The following PCDHGB5 variants were observed in gnomAD, a reference collection of about 807,000 sequenced individuals.
The protein encoded by PCDHGB5 is protocadherin gamma subfamily B, 5.
In PCDHGB5, 48 loss-of-function variants were observed where a neutral mutation model predicts 62.9. The ratio of observed to expected loss-of-function variants is 0.76; its 90% CI spans 0.61 to 0.97. The LOEUF (loss-of-function observed/expected upper bound fraction) is 0.97. Among genes scored for constraint, PCDHGB5 ranks in the 50% least tolerant of loss-of-function variants. The pLI, the probability that PCDHGB5 is intolerant of heterozygous loss-of-function variation, is 0.00. For synonymous variants in PCDHGB5, 474 were observed against 511.2 expected, an observed-to-expected ratio of 0.93 and a Z score of 0.98; for missense variants, 1,118 against 1,198.6, an observed-to-expected ratio of 0.93 and a Z score of 0.99.
chr5:141,409,759 C>A, intron 1 of PCDHGB5: 1 of 1,612,958 alleles, frequency 6.2e-7, no homozygotes, highest in Non-Finnish European at 8.5e-7. Flanking sequence ...CGCAGCGCGC[C>A]TTTGATCACG....
At position 141,476,903 on chromosome 5, in the gene PCDHGB5, G is replaced by C; in HGVS notation, c.2398-17904G>C. On this transcript the variant is annotated intron_variant, in intron 1 of 3. Transcript: ENST00000617380. The surrounding 1 kb of genome is among the most constrained non-coding windows in gnomAD (Gnocchi z 7.6). Reference sequence around the variant, plus strand: ...GGAGGATGCACCCTCCGGCACGCGCGTGGTACAAGTCCTTGCAACGGATCT... The same window carrying C: ...GGAGGATGCACCCTCCGGCACGCGCCTGGTACAAGTCCTTGCAACGGATCT... The C allele has an allele frequency of 1.2e-6, 2 of 1,614,018 alleles. No individual in the cohort carries two copies. Among genetic ancestry groups the C allele is most frequent in the Non-Finnish European group, 1.7e-6 (2 of 1,180,044 alleles).
At chr5:141,467,564 G>A (rs926613546) in intron 1 of PCDHGB5, among the ~76,000 whole-genome samples, 5 of 152,152 alleles carry the variant, frequency 3.3e-5, no homozygotes, top group Admixed American at 3.3e-4. Flanking sequence ...TTCCCAAATG[G>A]CTATCCAGTT....
Position 141,398,985 on chromosome 5 carries a change from A to T in PCDHGB5, c.858A>T (p.Gln286His). Residue 286 changes from glutamine to histidine, a missense_variant, in exon 1 of 4, where the codon CAA becomes CAT. Transcript: ENST00000617380. ...CTTATTCCTTCTACAGAACCGGGCAAATCTTTAGTCTGAATTCAAAGAGCG... is the reference window on the plus strand; with the variant it reads ...CTTATTCCTTCTACAGAACCGGGCATATCTTTAGTCTGAATTCAAAGAGCG... ...EITYSFYRTGQIFSLNSKSGE... is the reference protein window; with the variant it reads ...EITYSFYRTGHIFSLNSKSGE... The T allele has an allele frequency of 6.2e-7, 1 of 1,613,964 alleles. No individual in the cohort carries two copies. The highest frequency in any genetic ancestry group is 8.5e-7 in the Non-Finnish European group (1 of 1,179,896).
rs199877605 is a variant in PCDHGB5 at position 141,421,311 on chromosome 5, G to A, written c.2397+20787G>A. The A allele has an allele frequency of 9.5e-5, 154 of 1,613,788 alleles. No individual in the cohort carries two copies. The African/African-American group carries it at 1.9e-3, about 20-fold the overall frequency. On this transcript the variant is annotated intron_variant, in intron 1 of 3. Coordinates refer to ENST00000617380, the MANE Select transcript of PCDHGB5 (RefSeq NM_018925.3). ...TCCTGGGGACGCTGCGGGGGTTCCG[G>A]GCCAGGCAGATCCGATATTCGGTGC... is the stretch of plus-strand genomic sequence containing the variant.
At chr5:141,464,400 G>GAGATATATATATATCTATATATAT (rs2099082782) in intron 1 of PCDHGB5, among the ~76,000 whole-genome samples, 3 of 151,366 alleles carry the variant, frequency 2.0e-5, no homozygotes, top group African/African-American at 4.9e-5. Context: ...TGAAGAACCT[G>GAGATATATATATATCTATATATAT]AGATATATAT....
In PCDHGB5 at chr5:141,476,351, G is replaced by A; in HGVS notation, c.2398-18456G>A. The A allele has an allele frequency of 1.2e-6, 2 of 1,614,182 alleles. No individual in the cohort carries two copies. The highest frequency in any genetic ancestry group is 1.7e-6 in the Non-Finnish European group (2 of 1,180,046). ...TGGAGCTAGCCGAAGATTCTTTGAG[G>A]TGAACCGGGAGACCGGAGAGATGTT... On this transcript the variant is annotated intron_variant, in intron 1 of 3. Coordinates refer to ENST00000617380, the MANE Select transcript of PCDHGB5 (RefSeq NM_018925.3). This position sits in a 1 kb window ranked among gnomAD's most constrained non-coding sequence, Gnocchi z 7.6.
intron 1 of PCDHGB5, chr5:141,427,812 G>T: frequency 6.6e-7 from 1 of 1,524,404 alleles, no homozygotes; most frequent in Non-Finnish European, 9.0e-7. Flanking sequence ...CGCACAGAGC[G>T]GGGTGGTGGT....
At chr5:141,414,406 C>T (rs1315007586) in intron 1 of PCDHGB5, 6 of 1,613,764 alleles carry the variant, frequency 3.7e-6, no homozygotes, top group African/African-American at 2.7e-5. Flanking sequence ...ATTGGTGATA[C>T]ACAGAGCCCT....
chr5:141,432,874 G>A lies in PCDHGB5; in HGVS notation c.2397+32350G>A, dbSNP rs2097545539. 2 of 1,614,176 alleles carry A rather than the reference G, an allele frequency of 1.2e-6. No homozygotes were observed. The highest frequency in any genetic ancestry group is 1.7e-6 in the Non-Finnish European group (2 of 1,180,014). Reference sequence around the variant, plus strand: ...TGGCCGCGGTCTCCTGCGTCTTCCTGGCCTTCGTCATCTTGCTGCTGGCGC... The same window carrying A: ...TGGCCGCGGTCTCCTGCGTCTTCCTAGCCTTCGTCATCTTGCTGCTGGCGC... On this transcript the variant is annotated intron_variant, in intron 1 of 3. Transcript: ENST00000617380. This position sits in a 1 kb window ranked among gnomAD's most constrained non-coding sequence, Gnocchi z 6.0.
chr5:141,486,598 C>T lies in PCDHGB5; in HGVS notation c.2398-8209C>T. 2 of 1,613,604 alleles carry T rather than the reference C, an allele frequency of 1.2e-6. No homozygotes were observed. Among genetic ancestry groups the T allele is most frequent in the Non-Finnish European group, 1.7e-6 (2 of 1,179,998 alleles). ...ACAATCGCCCAGGGGACCTGCTTTG[C>T]TCCCTTGCAGCCTCTGACCCAGACT... On this transcript the variant is annotated intron_variant, in intron 1 of 3. Transcript: ENST00000617380. The surrounding 1 kb of genome is among the most constrained non-coding windows in gnomAD (Gnocchi z 5.0).
intron 1 of PCDHGB5, chr5:141,427,297 A>G (rs1292641772): frequency 2.2e-6 from 1 of 456,900 alleles, no homozygotes; most frequent in Non-Finnish European, 4.4e-6. Context: ...ATCCTAGATG[A>G]GAATGACAAT....
intron 1 of PCDHGB5, chr5:141,421,731 C>G (rs73792198): frequency 6.2e-7 from 1 of 1,613,742 alleles, no homozygotes; most frequent in Non-Finnish European, 8.5e-7. Flanking sequence ...TGAACTCCCT[C>G]CAGAGCTACC....
At chr5:141,472,172 T>A (rs548514406) in intron 1 of PCDHGB5, among the ~76,000 whole-genome samples, 11 of 152,326 alleles carry the variant, frequency 7.2e-5, no homozygotes, top group African/African-American at 2.6e-4. Context: ...AGGTGTAATA[T>A]CCAGTATTGG....
rs570083634 is a variant in PCDHGB5, at chr5:141,427,859, C to G, written c.2397+27335C>G. 25 of 1,556,390 alleles carry G rather than the reference C, an allele frequency of 1.6e-5. No homozygotes were observed. The Admixed American group carries it at 2.0e-4, about 13-fold the overall frequency. ...CCTTCGACCACGAGCAGCTGTGCGC[C>G]TTCGAGCTCACGATGCAGGCCCACG... On this transcript the variant is annotated intron_variant, in intron 1 of 3. Coordinates refer to ENST00000617380, the MANE Select transcript of PCDHGB5 (RefSeq NM_018925.3).
chr5:141,427,151 G>A (rs1481629222), intron 1 of PCDHGB5: 1 of 456,934 alleles, frequency 2.2e-6, no homozygotes, highest in Admixed American at 2.3e-5. Flanking sequence ...TTGGAAATAT[G>A]TTTGTGCTAG....
Position 141,399,415 on chromosome 5 carries a change from T to C in PCDHGB5, c.1288T>C (p.Ser430Pro). ...ATDRGKPPLS[S>P]SISVILHIRD... The stretch of plus-strand genomic sequence containing the variant: ...AGACAGGGGCAAGCCGCCCCTCTCC[T>C]CCAGCATAAGCGTCATCCTACATAT... Residue 430 changes from serine to proline, a missense_variant, in exon 1 of 4, where the codon TCC (serine) becomes CCC (proline). This residue lies in a region of PCDHGB5 where 1,034 missense variants were observed against 1,029.1 expected (regional missense o/e 1.00). Transcript: ENST00000617380. 1 of 1,613,974 alleles carries C rather than the reference T, an allele frequency of 6.2e-7. No individual in the cohort carries two copies. Among genetic ancestry groups the C allele is most frequent in the Non-Finnish European group, 8.5e-7 (1 of 1,179,878 alleles).
chr5:141,423,233 TC>T, intron 1 of PCDHGB5: 1 of 1,613,860 alleles, frequency 6.2e-7, no homozygotes, highest in Non-Finnish European at 8.5e-7. Flanking sequence ...GCCGACAGCA[TC>T]CCCGAAGTCC....
At chr5:141,465,644 A>G (rs1320011410) in intron 1 of PCDHGB5, among the ~76,000 whole-genome samples, 2 of 152,186 alleles carry the variant, frequency 1.3e-5, no homozygotes, top group African/African-American at 4.8e-5. Context: ...TGCTTTGAAC[A>G]TCCCAAAAAA....
chr5:141,421,533 C>T (rs80184002), intron 1 of PCDHGB5: 1 of 1,614,044 alleles, frequency 6.2e-7, no homozygotes, highest in African/African-American at 1.3e-5. Flanking sequence ...CGGTGTCCTC[C>T]TGTTTTTTAA....
Sources: gnomAD v4.1 joint callset for allele counts (sites outside exome capture counted in the v4.1 genomes callset) on GRCh38, gnomAD v4.1.1 for gene constraint, gnomAD v4.1.1 regional missense constraint, Gnocchi (gnomAD v3.1) non-coding constraint, MANE v1.5 for transcripts, NCBI Gene and HGNC (gene_info 2026-07-23, HGNC 2026-07-21) for gene names.